Variants in ZNF385D observed in about 807,000 individuals in gnomAD.
The protein encoded by ZNF385D is zinc finger protein 385D.
Under a neutral mutation model 35.8 loss-of-function variants are expected in ZNF385D, and 15 were observed. The observed-to-expected ratio is 0.42, with a 90% CI of 0.28 to 0.64. The LOEUF (loss-of-function observed/expected upper bound fraction) is 0.64, where lower values mean the gene tolerates loss of function less well. Ranked by LOEUF, ZNF385D falls within the 30% of genes least tolerant of loss-of-function variation. ZNF385D has a pLI of 0.23. For synonymous variants in ZNF385D, 212 were observed against 186.8 expected, an observed-to-expected ratio of 1.13 and a Z score of -1.10; for missense variants, 474 against 494.6, an observed-to-expected ratio of 0.96 and a Z score of 0.39.
chr3:22,049,091 G>C lies in ZNF385D; in HGVS notation c.325+119726C>G, dbSNP rs1448224979. Among the ~76,000 whole-genome samples, 6 of 152,046 alleles carry C rather than the reference G, an allele frequency of 3.9e-5. No individual in the cohort carries two copies. The East Asian group carries it at 1.2e-3, about 30-fold the overall frequency. On this transcript the variant is annotated intron_variant, in intron 3 of 5. Coordinates refer to the ZNF385D transcript ENST00000494108. ...GTGGGTGGATAATTTCAGGTCAGGA[G>C]TTTGAGACCACCCTGACCAACATGG...
chr3:21,586,603 G>GTT (rs1485827619), intron 2 of ZNF385D, among the ~76,000 whole-genome samples: 1 of 152,106 alleles, frequency 6.6e-6, no homozygotes, highest in Non-Finnish European at 1.5e-5. Flanking sequence ...GTTTGATAAA[G>GTT]TTGTAAGGAA....
intron 2 of ZNF385D, among the ~76,000 whole-genome samples, chr3:21,608,023 G>GTTTTTTTTTTGTTTTTTTTTTT (rs2064545249): frequency 8.3e-6 from 1 of 120,220 alleles, no homozygotes; most frequent in African/African-American, 3.2e-5. Context: ...TTTTTTTTTT[G>GTTTTTTTTTTGTTTTTTTTTTT]TTTTTTTTTT....
At chr3:21,828,083 A>C (rs1441775108) in intron 3 of ZNF385D, among the ~76,000 whole-genome samples, 1 of 152,200 alleles carries the variant, frequency 6.6e-6, no homozygotes, top group African/African-American at 2.4e-5. Context: ...TGGGAATATT[A>C]TGTCTGTAAG....
chr3:22,192,179 G>A (rs1696097423), intron 2 of ZNF385D, among the ~76,000 whole-genome samples: 1 of 152,126 alleles, frequency 6.6e-6, no homozygotes, highest in South Asian at 2.1e-4. Context: ...GGACATATGA[G>A]CCACACCAGG....
intron 3 of ZNF385D, among the ~76,000 whole-genome samples, chr3:21,789,144 A>G (rs2071817787): frequency 6.6e-6 from 1 of 152,386 alleles, no homozygotes; most frequent in African/African-American, 2.4e-5. Flanking sequence ...TGGTTCCACC[A>G]TGAACAGTGG....
At position 22,363,903 on chromosome 3, in the gene ZNF385D, A is replaced by G. The variant is rs1298552131; in HGVS notation, c.106+8547T>C. Among the ~76,000 whole-genome samples the G allele has an allele frequency of 2.6e-5, 4 of 152,130 alleles. No homozygotes were observed. The East Asian group carries it at 5.8e-4, about 22-fold the overall frequency. Reference sequence around the variant, plus strand: ...AACACTCCTAGGTAACCAACACCCCAAAGCATGAAGCAGGACATTTTGGCA... The same window carrying G: ...AACACTCCTAGGTAACCAACACCCCGAAGCATGAAGCAGGACATTTTGGCA... On this transcript the variant is annotated intron_variant, in intron 2 of 5. Coordinates refer to the ZNF385D transcript ENST00000494108.
chr3:21,793,777 T>C (rs1421959745), intron 3 of ZNF385D, among the ~76,000 whole-genome samples: 2 of 152,242 alleles, frequency 1.3e-5, no homozygotes, highest in African/African-American at 4.8e-5. Context: ...CAAAACATTC[T>C]GTAAGGAACC....
At position 22,107,382 on chromosome 3, in the gene ZNF385D, T is replaced by C. The variant is rs543660909; in HGVS notation, c.325+61435A>G. On this transcript the variant is annotated intron_variant, in intron 3 of 5. Transcript: ENST00000494108. ...TGTCAGAAAATTATGTTAAATTTTC[T>C]AGATTTTTTTCTGAGAGTCAGGACT... Among the ~76,000 whole-genome samples the C allele has an allele frequency of 2.6e-5, 4 of 152,214 alleles. No homozygotes were observed. The East Asian group carries it at 7.7e-4, about 29-fold the overall frequency.
intron 2 of ZNF385D, among the ~76,000 whole-genome samples, chr3:22,329,989 A>G (rs759257050): frequency 3.9e-5 from 6 of 152,222 alleles, no homozygotes; most frequent in Non-Finnish European, 7.4e-5. Context: ...AACACAGGTT[A>G]TAAACCCTAA....
chr3:21,768,477 G>A (rs1188366479), intron 3 of ZNF385D, among the ~76,000 whole-genome samples: 1 of 151,798 alleles, frequency 6.6e-6, no homozygotes, highest in Non-Finnish European at 1.5e-5. Context: ...TCTATTGAAG[G>A]CTTCAAACTT....
intron 2 of ZNF385D, among the ~76,000 whole-genome samples, chr3:22,342,115 A>C (rs2125480317): frequency 6.6e-6 from 1 of 152,026 alleles, no homozygotes; most frequent in Non-Finnish European, 1.5e-5. Flanking sequence ...CTCTACTAAA[A>C]ACACAGAAAA....
chr3:22,001,543 T>C (rs1695847147), intron 3 of ZNF385D, among the ~76,000 whole-genome samples: 1 of 152,052 alleles, frequency 6.6e-6, no homozygotes, highest in South Asian at 2.1e-4. Context: ...TTTAGTTGGG[T>C]ACTTCAATAC....
intron 3 of ZNF385D, among the ~76,000 whole-genome samples, chr3:21,926,903 T>A (rs1700755892): frequency 6.6e-6 from 1 of 152,160 alleles, no homozygotes; most frequent in Non-Finnish European, 1.5e-5. Flanking sequence ...TCTATCCCTC[T>A]GACAAAGGGC....
intron 3 of ZNF385D, among the ~76,000 whole-genome samples, chr3:21,976,242 C>CA (rs1276851246): frequency 1.3e-5 from 2 of 152,098 alleles, no homozygotes; most frequent in African/African-American, 4.8e-5. Flanking sequence ...AATGACAACA[C>CA]ATTTTTTTTA....
chr3:21,424,275 T>TTATATATATACTTATATATATATTTA lies in ZNF385D; in HGVS notation c.853-212_853-211insTAAATATATATATAAGTATATATATA, dbSNP rs1700882843. Among the ~76,000 whole-genome samples, 65 of 79,750 alleles carry TTATATATATACTTATATATATATTTA rather than the reference T, an allele frequency of 8.2e-4. 1 individual carries two copies. The highest frequency in any genetic ancestry group is 1.2e-3 in the Non-Finnish European group (47 of 37,840). 52.3% of individuals were successfully genotyped at this position (79,750 alleles called of 152,430 possible). On this transcript the variant is annotated intron_variant, in intron 6 of 7. Coordinates refer to ENST00000281523, the MANE Select transcript of ZNF385D (RefSeq NM_024697.3). ...CATATATATATTCATATATATACTA[T>TTATATATATACTTATATATATATTTA]TATATATATACTTATATATATATAT... is the stretch of plus-strand genomic sequence containing the variant.
Position 22,148,373 on chromosome 3 carries a change from G to C in ZNF385D, c.325+20444C>G, listed in dbSNP as rs537737495. On this transcript the variant is annotated intron_variant, in intron 3 of 5. Transcript: ENST00000494108. ...TAAACACTTACCTGTGTTGGTTATA[G>C]GACAGAACTGCTTATTCACCACCAC... Among the ~76,000 whole-genome samples the C allele has an allele frequency of 1.2e-4, 19 of 152,250 alleles. 1 individual carries two copies. In the South Asian group the frequency reaches 3.9e-3, roughly 32 times the overall value.
intron 3 of ZNF385D, among the ~76,000 whole-genome samples, chr3:21,941,310 C>CA: frequency 6.7e-6 from 1 of 148,834 alleles, no homozygotes; most frequent in Admixed American, 6.6e-5. Flanking sequence ...CATTCTCTGA[C>CA]AAAAATATTA....
intron 2 of ZNF385D, among the ~76,000 whole-genome samples, chr3:22,273,885 T>C (rs1045509774): frequency 1.3e-5 from 2 of 152,134 alleles, no homozygotes; most frequent in East Asian, 3.9e-4. Context: ...AGGTGTGCTA[T>C]ATATGGACAA....
chr3:21,650,785 C>CT (rs1395435503), intron 2 of ZNF385D, among the ~76,000 whole-genome samples: 1 of 152,064 alleles, frequency 6.6e-6, no homozygotes, highest in African/African-American at 2.4e-5. Context: ...TCATTTTGGA[C>CT]TAACAGTTTC....
Sources: gnomAD v4.1 joint callset for allele counts (sites outside exome capture counted in the v4.1 genomes callset) on GRCh38, gnomAD v4.1.1 for gene constraint, MANE v1.5 for transcripts, NCBI Gene and HGNC (gene_info 2026-07-23, HGNC 2026-07-21) for gene names.